The following CLEC20A variants were observed in gnomAD, a reference collection of about 807,000 sequenced individuals.
The protein encoded by CLEC20A is C-type lectin domain containing 20A, also known as putative C-type lectin domain family 20 member A.
chr1:178,488,077 G>C lies in CLEC20A; in HGVS notation c.928+424C>G, dbSNP rs563828181. 3.3e-5 allele frequency among the ~76,000 whole-genome samples: 5 copies of C among 152,330 alleles called. No individual in the cohort carries two copies. The South Asian group carries it at 1.0e-3, about 32-fold the overall frequency. Reference sequence around the variant, plus strand: ...TGCAGAGGAGCCTGCAATTCCGAGGGACTTTGCGGTGCTTCCCTCTGGATG... The same window carrying C: ...TGCAGAGGAGCCTGCAATTCCGAGGCACTTTGCGGTGCTTCCCTCTGGATG... On this transcript the variant is annotated intron_variant, in intron 5 of 7. Coordinates refer to ENST00000623247, the Ensembl canonical transcript of CLEC20A.
intron 5 of CLEC20A, among the ~76,000 whole-genome samples, chr1:178,487,905 A>T (rs1649188488): frequency 6.6e-6 from 1 of 152,248 alleles, no homozygotes. Context: ...TACTCTAGTT[A>T]GCCTCAGAAC....
At chr1:178,492,538 C>T (rs1444829129) in exon 3 of CLEC20A, 5 of 398,270 alleles carry the variant, frequency 1.3e-5, no homozygotes, top group Admixed American at 4.4e-5. Context: ...GAGAGGGCTT[C>T]GTGGAGATGA....
At chr1:178,495,220 A>G (rs2101878954) in intron 1 of CLEC20A, among the ~76,000 whole-genome samples, 1 of 152,360 alleles carries the variant, frequency 6.6e-6, no homozygotes, top group African/African-American at 2.4e-5. Context: ...AGCTCAAGGA[A>G]TTCTTCCAGC....
chr1:178,481,645 A>G (rs1306551245), intron 7 of CLEC20A: 1 of 152,216 alleles, frequency 6.6e-6, no homozygotes, highest in African/African-American at 2.4e-5. Context: ...TCAGAACACT[A>G]CAGTGATAAT....
chr1:178,482,792 A>C, intron 6 of CLEC20A: 1 of 206,876 alleles, frequency 4.8e-6, no homozygotes, highest in Non-Finnish European at 9.5e-6. Flanking sequence ...TTTTAAATAA[A>C]TCCAGCCTTT....
At chr1:178,494,533 G>T in exon 2 of CLEC20A, 1 of 399,530 alleles carries the variant, frequency 2.5e-6, no homozygotes. Flanking sequence ...TGTACAGCGT[G>T]GCACAGAAGC....
chr1:178,478,934 A>C (rs960881280), downstream of CLEC20A: 1 of 152,244 alleles, frequency 6.6e-6, no homozygotes, highest in Non-Finnish European at 1.5e-5. Context: ...GAAGAGAAAC[A>C]AGAAAGGAAA....
intron 6 of CLEC20A, 89 bp from the exon 7 acceptor site, chr1:178,482,486 T>C: frequency 2.5e-6 from 1 of 397,478 alleles, no homozygotes; most frequent in Non-Finnish European, 4.4e-6. Flanking sequence ...GTGGACACCA[T>C]AGATGCTACA....
chr1:178,495,196 C>T (rs539519229), intron 1 of CLEC20A, among the ~76,000 whole-genome samples: 4 of 152,216 alleles, frequency 2.6e-5, no homozygotes, highest in Non-Finnish European at 5.9e-5. Context: ...GCTGAGCACC[C>T]GCCATGTGCC....
At chr1:178,487,361 C>CT (rs1320567717) in intron 5 of CLEC20A, among the ~76,000 whole-genome samples, 1 of 152,114 alleles carries the variant, frequency 6.6e-6, no homozygotes, top group Non-Finnish European at 1.5e-5. Flanking sequence ...GCTCTGTCGC[C>CT]TTCAGGGTGA....
rs1572154287 is a variant in CLEC20A, at chr1:178,480,988, A to G, written c.1122+1324T>C. 3 of 152,140 alleles carry G rather than the reference A, an allele frequency of 2.0e-5. No homozygotes were observed. The East Asian group carries it at 5.8e-4, about 29-fold the overall frequency. 9.4% of individuals were successfully genotyped at this position (152,140 alleles called of 1,614,324 possible). A position where few individuals can be genotyped will look rare whatever the true frequency, so the allele number is the denominator to read the frequency against. On this transcript the variant is annotated intron_variant, in intron 7 of 7. Coordinates refer to ENST00000623247, the Ensembl canonical transcript of CLEC20A. ...AACTTTTCTTGACCTAATATTCAGC[A>G]CTGAAGTCTTATTACTTGAAACTTA...
At chr1:178,494,500 T>C (rs1649340558) in exon 2 of CLEC20A, 2 of 399,494 alleles carry the variant, frequency 5.0e-6, no homozygotes, top group South Asian at 2.5e-4. Context: ...AGGCAGCCCC[T>C]ATGCTGGGTA....
chr1:178,499,493 G>A (rs1649481533), upstream of CLEC20A: 1 of 127,892 alleles, frequency 7.8e-6, no homozygotes, highest in African/African-American at 5.3e-5. Context: ...AAAGCAGGCA[G>A]AAGAACACGG....
intron 3 of CLEC20A, among the ~76,000 whole-genome samples, chr1:178,490,728 A>G (rs1056282447): frequency 6.6e-6 from 1 of 152,232 alleles, no homozygotes; most frequent in Admixed American, 6.5e-5. Flanking sequence ...TTCTTCATCT[A>G]TACAATGGGA....
chr1:178,497,835 A>T (rs1649436790), upstream of CLEC20A, among the ~76,000 whole-genome samples: 1 of 152,088 alleles, frequency 6.6e-6, no homozygotes. Context: ...GAGGGAAGGA[A>T]CCCATCCTTG....
chr1:178,479,817 AAT>A, intron 7 of CLEC20A: 3 of 356,922 alleles, frequency 8.4e-6, no homozygotes, highest in Admixed American at 4.7e-5. Flanking sequence ...CAAAAAAAAA[AAT>A]TTAATGACAA....
chr1:178,488,939 G>A (rs981371659), intron 4 of CLEC20A, among the ~76,000 whole-genome samples: 1 of 152,030 alleles, frequency 6.6e-6, no homozygotes. Context: ...GAGAGGGAGT[G>A]ACTTCTACCG....
exon 4 of CLEC20A, chr1:178,490,214 G>C (rs556033850): frequency 2.5e-6 from 1 of 398,832 alleles, no homozygotes; most frequent in African/African-American, 2.1e-5. Flanking sequence ...TGGCCCCCAG[G>C]TCACTGGACC....
At chr1:178,480,000 CT>C (rs5778987) in intron 7 of CLEC20A, 19,034 of 115,982 alleles carry the variant, frequency 0.16, 864 homozygotes, top group African/African-American at 0.28. Context: ...CCTGGCCAGG[CT>C]TTTTTTTTTT....
Sources: allele counts gnomAD v4.1 joint callset (sites outside exome capture counted in the v4.1 genomes callset), GRCh38; gene constraint gnomAD v4.1.1; transcripts MANE v1.5; gene names NCBI Gene and HGNC (gene_info 2026-07-23, HGNC 2026-07-21).